Variants in PGAP4 observed in about 807,000 individuals in gnomAD.
The protein encoded by PGAP4 is post-GPI attachment to proteins GalNAc transferase 4.
PGAP4 carries 12 observed loss-of-function variants against 28.2 expected under a neutral mutation model. The observed-to-expected ratio is 0.42, with a 90% CI of 0.27 to 0.69. The LOEUF (loss-of-function observed/expected upper bound fraction) is 0.69. Among genes scored for constraint, PGAP4 ranks in the 30% least tolerant of loss-of-function variants. The pLI, the probability that PGAP4 is intolerant of heterozygous loss-of-function variation, is 0.22. For missense variants in PGAP4, 425 were observed against 513.5 expected (o/e 0.83, Z 1.67); for synonymous variants, 205 against 211.8 (o/e 0.97, Z 0.28).
At chr9:101,499,032 A>T (rs1465643988) in intron 2 of PGAP4, among the ~76,000 whole-genome samples, 1 of 152,034 alleles carries the variant, frequency 6.6e-6, no homozygotes, top group East Asian at 1.9e-4. Context: ...CCCAGAGAAG[A>T]CATGCCTCAC....
At chr9:101,497,159 A>G (rs1826758853) in intron 2 of PGAP4, among the ~76,000 whole-genome samples, 1 of 151,136 alleles carries the variant, frequency 6.6e-6, no homozygotes, top group Non-Finnish European at 1.5e-5. Context: ...TTTAATGAAT[A>G]TCGATTATTT....
Position 101,475,995 on chromosome 9 carries a change from C to A in PGAP4, c.1098G>T (p.Leu366=). 2 of 1,614,202 alleles carry A rather than the reference C, an allele frequency of 1.2e-6. No individual in the cohort carries two copies. Among genetic ancestry groups the A allele is most frequent in the Non-Finnish European group, 1.7e-6 (2 of 1,180,044 alleles). Residue 366 remains leucine, a synonymous_variant, in exon 2 of 2, where the codon CTG becomes CTT. Coordinates refer to ENST00000374848, the MANE Select transcript of PGAP4 (RefSeq NM_032342.3). The part of the protein sequence containing the change: ...CHKGFGKDMA[L]YSLLRAKGER... The stretch of plus-strand genomic sequence containing the variant: ...CTCCCTTGGCCCTCAACAGCGAGTA[C>A]AGTGCCATGTCCTTGCCAAAGCCCT...
At chr9:101,515,197 C>T (rs1487631958) in intron 2 of PGAP4, among the ~76,000 whole-genome samples, 2 of 152,118 alleles carry the variant, frequency 1.3e-5, no homozygotes, top group African/African-American at 4.8e-5. Flanking sequence ...TGAAGAAGAA[C>T]CCATTCCTTG....
At chr9:101,492,529 T>A (rs891743629) in intron 2 of PGAP4, among the ~76,000 whole-genome samples, 7 of 152,138 alleles carry the variant, frequency 4.6e-5, no homozygotes, top group South Asian at 2.1e-4. Flanking sequence ...ATCTAATAAA[T>A]TTGGTTAAGA....
chr9:101,494,522 T>A (rs1826719392), intron 2 of PGAP4, among the ~76,000 whole-genome samples: 1 of 151,972 alleles, frequency 6.6e-6, no homozygotes, highest in South Asian at 2.1e-4. Flanking sequence ...AATTATTCAA[T>A]TTCATGAAAT....
intron 1 of PGAP4, among the ~76,000 whole-genome samples, chr9:101,478,236 A>C (rs900009596): frequency 6.6e-6 from 1 of 152,232 alleles, no homozygotes; most frequent in African/African-American, 2.4e-5. Flanking sequence ...AATATTTTAG[A>C]AGTAAGCAGG....
At position 101,519,972 on chromosome 9, in the gene PGAP4, A is replaced by G. The variant is rs1031216468; in HGVS notation, c.-165+11376T>C. Among the ~76,000 whole-genome samples the G allele has an allele frequency of 3.9e-5, 6 of 152,290 alleles. No individual in the cohort carries two copies. The East Asian group carries it at 5.8e-4, about 15-fold the overall frequency. ...ATTATCCCAGCACCATTTGTTGAAT[A>G]GAGTGTCCTTTCCCTGCTTTTATGT... On this transcript the variant is annotated intron_variant, in intron 2 of 3. Coordinates refer to the PGAP4 transcript ENST00000374851.
intron 2 of PGAP4, among the ~76,000 whole-genome samples, chr9:101,515,432 C>T (rs1331368576): frequency 2.6e-5 from 4 of 152,068 alleles, no homozygotes; most frequent in African/African-American, 9.7e-5. Context: ...ATAAGGTTTT[C>T]AAATTATTAA....
intron 2 of PGAP4, among the ~76,000 whole-genome samples, chr9:101,503,877 TGG>T: frequency 6.6e-6 from 1 of 152,070 alleles, no homozygotes. Context: ...TTTAAAAAAT[TGG>T]ACTTTCAGGG....
At chr9:101,522,042 G>A (rs373334303) in intron 2 of PGAP4, among the ~76,000 whole-genome samples, 10 of 152,044 alleles carry the variant, frequency 6.6e-5, no homozygotes, top group African/African-American at 1.7e-4. Flanking sequence ...TTTTGGAGTC[G>A]ATGTTCAGTT....
intron 1 of PGAP4, among the ~76,000 whole-genome samples, chr9:101,484,746 C>T (rs998511237): frequency 2.6e-5 from 4 of 152,204 alleles, no homozygotes; most frequent in African/African-American, 9.6e-5. Context: ...ATAAATGTGT[C>T]TGTTGTTTAA....
upstream of PGAP4, among the ~76,000 whole-genome samples, chr9:101,487,653 AC>A (rs1826645846): frequency 1.3e-5 from 2 of 152,204 alleles, no homozygotes; most frequent in Non-Finnish European, 2.9e-5. Flanking sequence ...ACACAATTGT[AC>A]GGCCTTACTC....
At chr9:101,489,486 G>A (rs1040267740), upstream of PGAP4, among the ~76,000 whole-genome samples, 2 of 152,134 alleles carry the variant, frequency 1.3e-5, no homozygotes, top group African/African-American at 4.8e-5. Context: ...TAGGCCTGAT[G>A]AGCAAAGTAA....
At chr9:101,500,721 T>A (rs148320759) in intron 2 of PGAP4, among the ~76,000 whole-genome samples, 1 of 151,650 alleles carries the variant, frequency 6.6e-6, no homozygotes, top group East Asian at 1.9e-4. Flanking sequence ...AGATAATGAG[T>A]GGGAAATTAA....
At chr9:101,493,189 G>T (rs976684209) in intron 2 of PGAP4, among the ~76,000 whole-genome samples, 5 of 151,170 alleles carry the variant, frequency 3.3e-5, no homozygotes, top group Non-Finnish European at 5.9e-5. Flanking sequence ...GGGAGGCGGA[G>T]GTTGCAGTGA....
At chr9:101,485,338 C>T (rs1013300382) in intron 1 of PGAP4, among the ~76,000 whole-genome samples, 16 of 151,864 alleles carry the variant, frequency 1.1e-4, no homozygotes, top group Admixed American at 9.2e-4. Flanking sequence ...ATATATATTT[C>T]GATGAGTTTT....
At chr9:101,490,974 A>G (rs1045372071), upstream of PGAP4, among the ~76,000 whole-genome samples, 10 of 152,184 alleles carry the variant, frequency 6.6e-5, no homozygotes, top group East Asian at 9.6e-4. Context: ...TAGCACCTCA[A>G]CTTCTCATGG....
intron 2 of PGAP4, among the ~76,000 whole-genome samples, chr9:101,500,115 CT>C (rs1332131857): frequency 6.6e-6 from 1 of 151,968 alleles, no homozygotes; most frequent in African/African-American, 2.4e-5. Flanking sequence ...CTTTAATCTC[CT>C]TTAATCTGGA....
At chr9:101,525,699 CA>C (rs397893277) in intron 2 of PGAP4, among the ~76,000 whole-genome samples, 16,971 of 61,246 alleles carry the variant, frequency 0.28, 541 homozygotes, top group African/African-American at 0.34. Context: ...CAGAGCGTCT[CA>C]AAAAAAAAAA....
Sources: gnomAD v4.1 joint callset for allele counts (sites outside exome capture counted in the v4.1 genomes callset) on GRCh38, gnomAD v4.1.1 for gene constraint, MANE v1.5 for transcripts, NCBI Gene and HGNC (gene_info 2026-07-23, HGNC 2026-07-21) for gene names.